PARD3B: variants seen among roughly 807,000 people sequenced by gnomAD.
PARD3B encodes partitioning defective 3 homolog B.
In PARD3B, 103 loss-of-function variants were observed where a neutral mutation model predicts 130.2. That is an observed-to-expected ratio of 0.79 (90% CI 0.67 to 0.93). The LOEUF is 0.93. Among genes scored for constraint, PARD3B ranks in the 40% least tolerant of loss-of-function variants. PARD3B has a pLI of 0.00. For synonymous variants in PARD3B, 583 were observed against 553.2 expected (o/e 1.05, Z -0.76); for missense variants, 1,609 against 1,499.2 (o/e 1.07, Z -1.21).
At position 205,440,257 on chromosome 2, in the gene PARD3B, G is replaced by A; in HGVS notation, c.2742-113G>A. 9.5e-7 allele frequency: 1 copy of A among 1,054,270 alleles called. No individual in the cohort carries two copies. The highest frequency in any genetic ancestry group is 1.4e-6 in the Non-Finnish European group (1 of 725,838). 65.3% of individuals were successfully genotyped at this position (1,054,270 alleles called of 1,614,324 possible). A position where few individuals can be genotyped will look rare whatever the true frequency, so the allele number is the denominator to read the frequency against. On this transcript the variant is annotated intron_variant, in intron 19 of 22. Transcript: ENST00000406610. This position sits in a 1 kb window ranked among gnomAD's most constrained non-coding sequence, Gnocchi z 4.2. ...TGCATGCTGTGATCTTGAGTAAACA[G>A]GAGAATGACAGCTAAGAGACGAGGA...
At chr2:205,243,493 A>G (rs2039445580) in intron 15 of PARD3B, among the ~76,000 whole-genome samples, 1 of 152,246 alleles carries the variant, frequency 6.6e-6, no homozygotes, top group Non-Finnish European at 1.5e-5. Context: ...TCATCTGTAG[A>G]ATGAGAATGG....
intron 4 of PARD3B, among the ~76,000 whole-genome samples, chr2:205,098,765 C>T (rs1317786963): frequency 6.6e-6 from 1 of 152,102 alleles, no homozygotes; most frequent in Non-Finnish European, 1.5e-5. Context: ...TGAGCACTTG[C>T]AGTTGTTAGC....
chr2:205,013,070 A>G (rs1695851224), intron 3 of PARD3B, among the ~76,000 whole-genome samples: 2 of 152,236 alleles, frequency 1.3e-5, no homozygotes, highest in Non-Finnish European at 2.9e-5. Context: ...ACTTGCTCAC[A>G]CGCTGTCCCT....
intron 19 of PARD3B, 104 bp downstream of exon 19, chr2:205,401,227 G>C: frequency 3.5e-6 from 3 of 860,050 alleles, no homozygotes; most frequent in Non-Finnish European, 5.4e-6. Context: ...AAGAAGTATA[G>C]GGGTTGACCG....
intron 1 of PARD3B, among the ~76,000 whole-genome samples, chr2:204,656,686 G>T (rs754994074): frequency 1.2e-4 from 18 of 152,088 alleles, no homozygotes; most frequent in Admixed American, 6.6e-4. Context: ...TGAAAGGTAG[G>T]CATGTTTCAT....
At chr2:204,663,427 T>G (rs1241701818) in intron 1 of PARD3B, among the ~76,000 whole-genome samples, 1 of 152,220 alleles carries the variant, frequency 6.6e-6, no homozygotes, top group African/African-American at 2.4e-5. Context: ...ATGTGAGTAT[T>G]AAAGTCAAAA....
chr2:205,118,885 T>C, intron 6 of PARD3B, 36 bp from the exon 7 acceptor site: 1 of 1,354,736 alleles, frequency 7.4e-7, no homozygotes, highest in Non-Finnish European at 1.0e-6. Context: ...CATTTATTAT[T>C]CAGTAATTAT....
intron 22 of PARD3B, among the ~76,000 whole-genome samples, chr2:205,570,557 GTA>G (rs1383508453): frequency 6.6e-6 from 1 of 152,170 alleles, no homozygotes; most frequent in Non-Finnish European, 1.5e-5. Flanking sequence ...AGCACAGTGT[GTA>G]TATATATTTC....
chr2:205,182,842 C>T lies in PARD3B; in HGVS notation c.1925-2922C>T, dbSNP rs538031557. On this transcript the variant is annotated intron_variant, in intron 13 of 22. Coordinates refer to ENST00000406610, the MANE Select transcript of PARD3B (RefSeq NM_001302769.2). ...GCTGGGCACCTCGTCACCTGGCTTT[C>T]AGGTGATGTAGATGGGGAAAGGAAG... 1.1e-4 allele frequency among the ~76,000 whole-genome samples: 17 copies of T among 152,240 alleles called. No individual in the cohort carries two copies. In the East Asian group the frequency reaches 2.3e-3, roughly 21 times the overall value.
chr2:205,138,212 T>G (rs944749847), intron 10 of PARD3B, among the ~76,000 whole-genome samples: 1 of 152,224 alleles, frequency 6.6e-6, no homozygotes, highest in Non-Finnish European at 1.5e-5. Context: ...ATAATTCTTA[T>G]TCTTATTTTC....
Position 204,887,645 on chromosome 2 carries a change from A to G in PARD3B, c.223-77507A>G, listed in dbSNP as rs1410124607. Among the ~76,000 whole-genome samples, 1 of 152,168 alleles carries G rather than the reference A, an allele frequency of 6.6e-6. No homozygotes were observed. The highest frequency in any genetic ancestry group is 1.5e-5 in the Non-Finnish European group (1 of 68,040). On this transcript the variant is annotated intron_variant, in intron 2 of 22. Coordinates refer to ENST00000406610, the MANE Select transcript of PARD3B (RefSeq NM_001302769.2). The surrounding 1 kb of genome is among the most constrained non-coding windows in gnomAD (Gnocchi z 4.2). ...CTGCTTTCTTTGATTTAACAGTATT[A>G]ACAGAGCACTATTCTATATGCAGCG...
At position 204,855,659 on chromosome 2, in the gene PARD3B, A is replaced by G. The variant is rs370871212; in HGVS notation, c.223-109493A>G. Among the ~76,000 whole-genome samples, 39 of 152,018 alleles carry G rather than the reference A, an allele frequency of 2.6e-4. 1 individual carries two copies. Among genetic ancestry groups the G allele is most frequent in the African/African-American group, 9.2e-4 (38 of 41,510 alleles). On this transcript the variant is annotated intron_variant, in intron 2 of 22. Coordinates refer to ENST00000406610, the MANE Select transcript of PARD3B (RefSeq NM_001302769.2). ...TCATTAAAACTTACTCCTCCAGTCT[A>G]ATGAAACTTTGTAACCTTTGATCAA...
chr2:205,308,333 A>C (rs2042253622), intron 18 of PARD3B, among the ~76,000 whole-genome samples: 1 of 152,166 alleles, frequency 6.6e-6, no homozygotes, highest in Non-Finnish European at 1.5e-5. Flanking sequence ...GCAGCCAGGC[A>C]TGGTGGCTCT....
At position 205,111,062 on chromosome 2, in the gene PARD3B, A is replaced by G. The variant is rs976271072; in HGVS notation, c.594-2429A>G. 6.6e-5 allele frequency among the ~76,000 whole-genome samples: 10 copies of G among 152,040 alleles called. No individual in the cohort carries two copies. In the South Asian group the frequency reaches 8.3e-4, roughly 13 times the overall value. ...TATGTGAACTGGTCCATGGGGCATT[A>G]TTTTTCAAATGTTCTCCTTTCTAAC... On this transcript the variant is annotated intron_variant, in intron 5 of 22. Transcript: ENST00000406610.
chr2:205,376,947 TTAAG>T (rs1328812355), intron 18 of PARD3B, among the ~76,000 whole-genome samples: 2 of 152,218 alleles, frequency 1.3e-5, no homozygotes, highest in South Asian at 4.1e-4. Context: ...AACACGTTCT[TTAAG>T]TAGTAAAATG....
chr2:205,304,265 T>A (rs1356472174), intron 18 of PARD3B, among the ~76,000 whole-genome samples: 1 of 152,172 alleles, frequency 6.6e-6, no homozygotes, highest in Admixed American at 6.5e-5. Flanking sequence ...ATGACAAGAC[T>A]TGCTGCGGTC....
chr2:205,426,523 G>C (rs1332969187), intron 19 of PARD3B, among the ~76,000 whole-genome samples: 1 of 152,108 alleles, frequency 6.6e-6, no homozygotes, highest in East Asian at 1.9e-4. Flanking sequence ...TTTTACCCCA[G>C]AGCTCTCCAT....
intron 14 of PARD3B, among the ~76,000 whole-genome samples, chr2:205,189,932 A>T (rs764572322): frequency 2.0e-5 from 3 of 152,202 alleles, no homozygotes; most frequent in Non-Finnish European, 2.9e-5. Context: ...TGATGGTAAC[A>T]TATATGTGTA....
chr2:204,766,377 G>C (rs112513371), intron 2 of PARD3B, among the ~76,000 whole-genome samples: 2,862 of 152,064 alleles, frequency 0.019, 91 homozygotes, highest in African/African-American at 0.064. Flanking sequence ...TATTATTGGG[G>C]TACATAATAT....
Sources: gnomAD v4.1 joint callset for allele counts (sites outside exome capture counted in the v4.1 genomes callset) on GRCh38, gnomAD v4.1.1 for gene constraint, Gnocchi (gnomAD v3.1) non-coding constraint, MANE v1.5 for transcripts, NCBI Gene and HGNC (gene_info 2026-07-23, HGNC 2026-07-21) for gene names.